TEX36: variants seen among roughly 807,000 people sequenced by gnomAD.
TEX36 encodes testis-expressed protein 36.
TEX36 carries 12 observed loss-of-function variants against 13.6 expected under a neutral mutation model. The ratio of observed to expected loss-of-function variants is 0.88; its 90% confidence interval spans 0.56 to 1.43. The LOEUF (loss-of-function observed/expected upper bound fraction) is 1.43. TEX36 is among the 40% of genes most tolerant of loss of function. The pLI is 0.00. For synonymous variants in TEX36, 93 were observed against 83.0 expected (o/e 1.12, Z -0.65); for missense variants, 224 against 228.3 (o/e 0.98, Z 0.12).
At chr10:125,621,486 C>A, downstream of TEX36, 1 of 400,736 alleles carries the variant, frequency 2.5e-6, no homozygotes, top group South Asian at 1.8e-5. Context: ...GTGTATCTTC[C>A]CAGTGTGTAA....
chr10:125,656,246 GTTCT>G, intron 3 of TEX36, 50 bp from the exon 4 acceptor site: 19 of 432,836 alleles, frequency 4.4e-5, no homozygotes, highest in African/African-American at 1.3e-4. Context: ...AGTTCACATA[GTTCT>G]TTTTTTTTTT....
chr10:125,635,627 C>T (rs1393438628), intron 3 of TEX36, among the ~76,000 whole-genome samples: 2 of 152,130 alleles, frequency 1.3e-5, no homozygotes, highest in African/African-American at 4.8e-5. Flanking sequence ...TTCTCTTGTC[C>T]CCCAGCACTG....
chr10:125,612,617 T>C (rs1416752503), intron 3 of TEX36, among the ~76,000 whole-genome samples: 1 of 152,224 alleles, frequency 6.6e-6, no homozygotes, highest in African/African-American at 2.4e-5. Flanking sequence ...AAGTCTGCCT[T>C]GGTTCATTGG....
At chr10:125,617,895 T>C (rs1309356049), downstream of TEX36, among the ~76,000 whole-genome samples, 3 of 152,218 alleles carry the variant, frequency 2.0e-5, no homozygotes, top group Admixed American at 6.5e-5. Context: ...CCAACTTGGT[T>C]CCATTCTCCC....
intron 3 of TEX36, among the ~76,000 whole-genome samples, chr10:125,637,029 C>T (rs956348623): frequency 2.7e-4 from 41 of 151,960 alleles, no homozygotes; most frequent in African/African-American, 5.3e-4. Flanking sequence ...AGGCCTGGTG[C>T]GGTGGCTTAT....
intron 3 of TEX36, among the ~76,000 whole-genome samples, chr10:125,657,820 T>C (rs1460816532): frequency 1.3e-5 from 2 of 152,146 alleles, no homozygotes; most frequent in African/African-American, 2.4e-5. Flanking sequence ...GTGAGTGAGA[T>C]AAAGCATGCT....
chr10:125,620,928 A>T (rs1246995396), downstream of TEX36, among the ~76,000 whole-genome samples: 1 of 152,090 alleles, frequency 6.6e-6, no homozygotes, highest in Non-Finnish European at 1.5e-5. Flanking sequence ...TATCCTCAAG[A>T]TTTATCCATG....
intron 3 of TEX36, among the ~76,000 whole-genome samples, chr10:125,631,421 C>A (rs757282580): frequency 7.9e-5 from 12 of 152,178 alleles, no homozygotes; most frequent in Non-Finnish European, 1.5e-4. Flanking sequence ...CGGAGGAGAG[C>A]CCTGTCCTGA....
intron 3 of TEX36, among the ~76,000 whole-genome samples, chr10:125,634,782 C>T (rs1846603059): frequency 6.6e-6 from 1 of 152,142 alleles, no homozygotes; most frequent in Non-Finnish European, 1.5e-5. Flanking sequence ...TCCACCAGTT[C>T]ATTAATGCAA....
At chr10:125,616,076 T>C (rs151097360) in intron 3 of TEX36, among the ~76,000 whole-genome samples, 9,965 of 152,196 alleles carry the variant, frequency 0.065, 1,030 homozygotes, top group African/African-American at 0.22. Context: ...TGCGTAGAGG[T>C]GTTTGTAGTA....
At chr10:125,671,268 T>G (rs556147859) in intron 1 of TEX36, among the ~76,000 whole-genome samples, 52 of 152,214 alleles carry the variant, frequency 3.4e-4, no homozygotes, top group Non-Finnish European at 5.7e-4. Flanking sequence ...TCACTGTGGG[T>G]TTGTCATAAA....
intron 3 of TEX36, among the ~76,000 whole-genome samples, chr10:125,605,241 C>A (rs1846200765): frequency 1.3e-5 from 2 of 152,182 alleles, no homozygotes; most frequent in South Asian, 4.1e-4. Context: ...CTAGACAGCC[C>A]ATAAAGTCTA....
At chr10:125,627,941 G>C (rs1846506915) in intron 3 of TEX36, among the ~76,000 whole-genome samples, 1 of 152,188 alleles carries the variant, frequency 6.6e-6, no homozygotes, top group Non-Finnish European at 1.5e-5. Context: ...ATCCAAATGA[G>C]AGATTAAGAG....
At chr10:125,606,529 G>A (rs1428645101) in intron 3 of TEX36, among the ~76,000 whole-genome samples, 4 of 152,214 alleles carry the variant, frequency 2.6e-5, no homozygotes, top group African/African-American at 7.2e-5. Context: ...TGGCTACCAC[G>A]GTAAACAATA....
chr10:125,607,129 G>T (rs1490411501), intron 3 of TEX36, among the ~76,000 whole-genome samples: 1 of 152,134 alleles, frequency 6.6e-6, no homozygotes, highest in Non-Finnish European at 1.5e-5. Flanking sequence ...ATATTGTATT[G>T]GGCAGCAGGG....
At chr10:125,676,851 C>A (rs1291842547) in intron 1 of TEX36, among the ~76,000 whole-genome samples, 1 of 152,118 alleles carries the variant, frequency 6.6e-6, no homozygotes, top group Admixed American at 6.5e-5. Flanking sequence ...CTTTCACTTC[C>A]AGGGATCCCT....
At position 125,656,189 on chromosome 10, in the gene TEX36, C is replaced by T; in HGVS notation, c.272G>A (p.Gly91Glu). 6.7e-7 allele frequency: 1 copy of T among 1,499,774 alleles called. No homozygotes were observed. The highest frequency in any genetic ancestry group is 8.9e-7 in the Non-Finnish European group (1 of 1,125,678). The allele number at this position is 1,499,774 out of a possible 1,614,324, so 92.9% of individuals were successfully genotyped here. A position where few individuals can be genotyped will look rare whatever the true frequency, so the allele number is the denominator to read the frequency against. Reference sequence around the variant, plus strand: ...CTTATCTGGAGAGATCTTCTTACGTCCCAGGCCCTGGAGAGAAGAATTACA... The same window carrying T: ...CTTATCTGGAGAGATCTTCTTACGTTCCAGGCCCTGGAGAGAAGAATTACA... ...NSGCYLDSGL[G>E]RKKISPDKRQ... Residue 91 changes from glycine to glutamate, a missense_variant, in exon 4 of 4, where the codon GGA (glycine) becomes GAA (glutamate). Physicochemically the swap from Gly to Glu is moderately conservative, Grantham distance 98. Transcript: ENST00000368821.
At chr10:125,590,990 C>T (rs562996401) in intron 3 of TEX36, among the ~76,000 whole-genome samples, 1 of 152,216 alleles carries the variant, frequency 6.6e-6, no homozygotes, top group Non-Finnish European at 1.5e-5. Flanking sequence ...ACATGTGGCC[C>T]AAAGGTGAAT....
At chr10:125,588,400 G>A (rs938660095) in intron 3 of TEX36, among the ~76,000 whole-genome samples, 40 of 152,182 alleles carry the variant, frequency 2.6e-4, no homozygotes, top group African/African-American at 9.4e-4. Context: ...CCTGAGGCTA[G>A]GTAATTTATA....
Sources: gnomAD v4.1 joint callset for allele counts (sites outside exome capture counted in the v4.1 genomes callset) on GRCh38, gnomAD v4.1.1 for gene constraint, MANE v1.5 for transcripts, NCBI Gene and HGNC (gene_info 2026-07-23, HGNC 2026-07-21) for gene names.